The following RERE variants were observed in gnomAD, a reference collection of about 807,000 sequenced individuals.
RERE encodes arginine-glutamic acid dipeptide repeats.
Under a neutral mutation model 146.1 loss-of-function variants are expected in RERE, and 40 were observed. The ratio of observed to expected loss-of-function variants is 0.27; its 90% confidence interval spans 0.21 to 0.36. The LOEUF (loss-of-function observed/expected upper bound fraction) is 0.36, where lower values mean the gene tolerates loss of function less well. Among genes scored for constraint, RERE ranks in the 10% least tolerant of loss-of-function variants. The probability of loss-of-function intolerance (pLI) is 1.00; values close to 1 mark genes in which losing one functional copy is unlikely to be tolerated. For missense variants in RERE, 1,933 were observed against 2,138.7 expected (o/e 0.90, Z 1.90); for synonymous variants, 1,003 against 866.0 (o/e 1.16, Z -2.78).
chr1:8,630,762 A>G (rs1479613491), intron 2 of RERE, among the ~76,000 whole-genome samples: 2 of 152,168 alleles, frequency 1.3e-5, no homozygotes, highest in Non-Finnish European at 2.9e-5. Flanking sequence ...ACATACATAC[A>G]TGGAAAAGGA....
intron 12 of RERE, among the ~76,000 whole-genome samples, chr1:8,406,614 G>T (rs561535960): frequency 6.6e-6 from 1 of 152,216 alleles, no homozygotes; most frequent in East Asian, 1.9e-4. Context: ...CTTTAAGTTT[G>T]AAATTATTTT....
intron 1 of RERE, among the ~76,000 whole-genome samples, chr1:8,708,919 T>G (rs904349913): frequency 4.4e-5 from 6 of 136,998 alleles, no homozygotes; most frequent in South Asian, 2.5e-4. Flanking sequence ...TTTTTTTTTT[T>G]TTTTTTTTTT....
intron 11 of RERE, among the ~76,000 whole-genome samples, chr1:8,458,257 G>T (rs1644478707): frequency 6.6e-6 from 1 of 152,156 alleles, no homozygotes; most frequent in South Asian, 2.1e-4. Context: ...TAAATGAACA[G>T]AGAAAGATGA....
At chr1:8,476,134 T>A (rs932186869) in intron 10 of RERE, among the ~76,000 whole-genome samples, 91 of 152,182 alleles carry the variant, frequency 6.0e-4, no homozygotes, top group African/African-American at 2.1e-3. Flanking sequence ...GTCGCAACAT[T>A]TGCTGAGCAG....
rs1641937429 is a variant in RERE at position 8,817,412 on chromosome 1, G to C, written c.-397C>G. On this transcript the variant is annotated 5_prime_UTR_variant, in exon 1 of 23. Coordinates refer to ENST00000400908, the MANE Select transcript of RERE (RefSeq NM_001042681.2). ...TTCAGAAGCAGGAGCCCAGGATCAT[G>C]TCTGGTTTTGTTTTCCGAGGGCGAG... 1 of 151,954 alleles carries C rather than the reference G, an allele frequency of 6.6e-6. No homozygotes were observed. The highest frequency in any genetic ancestry group is 2.4e-5 in the African/African-American group (1 of 41,456). 9.4% of individuals were successfully genotyped at this position (151,954 alleles called of 1,614,324 possible).
rs1385406166 is a variant in RERE at position 8,366,084 on chromosome 1, G to A, written c.1285-110C>T. 1.1e-5 allele frequency: 13 copies of A among 1,132,328 alleles called. No individual in the cohort carries two copies. In the Admixed American group the frequency reaches 1.6e-4, roughly 14 times the overall value. 70.1% of individuals were successfully genotyped at this position (1,132,328 alleles called of 1,614,324 possible). On this transcript the variant is annotated intron_variant, in intron 12 of 22. Transcript: ENST00000400908. Reference sequence around the variant, plus strand: ...GGTGTTTAACAGCTGTGCCAGAGATGAGAATAAAGACCAGTCGCTCCTGGA... The same window carrying A: ...GGTGTTTAACAGCTGTGCCAGAGATAAGAATAAAGACCAGTCGCTCCTGGA...
chr1:8,570,780 C>T (rs1482457300), intron 4 of RERE, among the ~76,000 whole-genome samples: 1 of 152,176 alleles, frequency 6.6e-6, no homozygotes, highest in Non-Finnish European at 1.5e-5. Flanking sequence ...CTCTTTTAGA[C>T]ACAATCATTT....
chr1:8,528,691 A>G (rs951293001), intron 7 of RERE, among the ~76,000 whole-genome samples: 1 of 152,202 alleles, frequency 6.6e-6, no homozygotes, highest in African/African-American at 2.4e-5. Flanking sequence ...ATATAGAATA[A>G]GCAAATATTC....
intron 7 of RERE, among the ~76,000 whole-genome samples, chr1:8,515,917 A>G (rs1397200497): frequency 1.3e-5 from 2 of 152,080 alleles, no homozygotes; most frequent in African/African-American, 4.8e-5. Context: ...CACATACGTT[A>G]TCTTAAATCT....
intron 11 of RERE, 21 bp from the exon 12 acceptor site, chr1:8,422,828 T>A (rs780650320): frequency 8.1e-6 from 13 of 1,596,060 alleles, no homozygotes; most frequent in Admixed American, 5.0e-5. Flanking sequence ...AAGAAACAAA[T>A]GGGATGTAAA....
At chr1:8,569,757 T>A (rs1397524751) in intron 4 of RERE, among the ~76,000 whole-genome samples, 1 of 152,170 alleles carries the variant, frequency 6.6e-6, no homozygotes, top group Non-Finnish European at 1.5e-5. Context: ...ACAGGCATGG[T>A]GTCATGCTCT....
intron 1 of RERE, among the ~76,000 whole-genome samples, chr1:8,797,046 T>G (rs920724845): frequency 1.3e-5 from 2 of 151,604 alleles, no homozygotes; most frequent in Admixed American, 6.6e-5. Context: ...CGGAAGCCAG[T>G]GCTAGAAGAC....
At chr1:8,373,876 G>A (rs1642136115) in intron 12 of RERE, among the ~76,000 whole-genome samples, 1 of 152,200 alleles carries the variant, frequency 6.6e-6, no homozygotes. Context: ...TTTCCAGGAG[G>A]CAACCGGTTG....
At chr1:8,594,154 T>C (rs972591841) in intron 4 of RERE, among the ~76,000 whole-genome samples, 2 of 152,226 alleles carry the variant, frequency 1.3e-5, no homozygotes, top group African/African-American at 4.8e-5. Flanking sequence ...GCATGTAGCA[T>C]GGGTATTATT....
intron 7 of RERE, among the ~76,000 whole-genome samples, chr1:8,509,064 A>G (rs983944007): frequency 6.6e-6 from 1 of 152,094 alleles, no homozygotes; most frequent in Admixed American, 6.5e-5. Flanking sequence ...TCAGGTGCCT[A>G]CCACCACGCC....
Position 8,608,354 on chromosome 1 carries a change from T to A in RERE, c.522+6207A>T, listed in dbSNP as rs188504173. On this transcript the variant is annotated intron_variant, in intron 4 of 22. Transcript: ENST00000400908. ...CCTGTCTCTACAAAAATTTAAAAAA[T>A]TTTTAAATTTTAGGTAGCATACACC... Among the ~76,000 whole-genome samples the A allele has an allele frequency of 4.0e-3, 608 of 152,124 alleles. 3 individuals carry two copies. The highest frequency in any genetic ancestry group is 6.1e-3 in the Non-Finnish European group (418 of 67,980).
intron 3 of RERE, among the ~76,000 whole-genome samples, chr1:8,616,007 C>T (rs1455523063): frequency 6.6e-6 from 1 of 152,156 alleles, no homozygotes; most frequent in Admixed American, 6.5e-5. Context: ...TCACCACACA[C>T]CTTCTCCCCA....
In RERE at chr1:8,358,514, C is replaced by A; in HGVS notation, c.4021G>T (p.Ala1341Ser). Residue 1341 changes from alanine to serine, a missense_variant, in exon 20 of 23, where the codon GCC becomes TCC. Transcript: ENST00000400908. ...CGGGCAAAGTGCTCCATGGGGTTGG[C>A]GGCTGGGTGCAGGGGGTCCAGCTCT... ...PPELDPLHPA[A>S]NPMEHFARHS... 6.3e-7 allele frequency: 1 copy of A among 1,591,598 alleles called. No homozygotes were observed.
intron 1 of RERE, among the ~76,000 whole-genome samples, chr1:8,675,736 T>TAC (rs1373281042): frequency 6.8e-4 from 99 of 146,036 alleles, no homozygotes; most frequent in South Asian, 5.2e-3. Flanking sequence ...AATACATACA[T>TAC]ATATACATAC....
Sources: gnomAD v4.1 joint callset for allele counts (sites outside exome capture counted in the v4.1 genomes callset) on GRCh38, gnomAD v4.1.1 for gene constraint, MANE v1.5 for transcripts, NCBI Gene and HGNC (gene_info 2026-07-23, HGNC 2026-07-21) for gene names.